The following CLEC1A variants were observed in gnomAD, a reference collection of about 807,000 sequenced individuals.
The protein encoded by CLEC1A is C-type lectin-like receptor-1.
CLEC1A carries 34 observed loss-of-function variants against 28.7 expected under a neutral mutation model. That is an observed-to-expected ratio of 1.18 (90% CI 0.90 to 1.57). The LOEUF is 1.57. CLEC1A is among the 40% of genes most tolerant of loss of function. The pLI is 0.00. For synonymous variants in CLEC1A, 116 were observed against 121.0 expected, an observed-to-expected ratio of 0.96 and a Z score of 0.27; for missense variants, 385 against 339.5, an observed-to-expected ratio of 1.13 and a Z score of -1.05.
At chr12:10,072,617 T>C (rs190133600) in intron 5 of CLEC1A, among the ~76,000 whole-genome samples, 1 of 149,254 alleles carries the variant, frequency 6.7e-6, no homozygotes, top group African/African-American at 2.5e-5. Context: ...GGCTTCAATT[T>C]ACTCACTCAG....
In CLEC1A at chr12:10,076,976, T is replaced by C. The variant is rs532629259; in HGVS notation, c.392-1321A>G. 2.0e-5 allele frequency among the ~76,000 whole-genome samples: 3 copies of C among 152,300 alleles called. No individual in the cohort carries two copies. The East Asian group carries it at 5.8e-4, about 29-fold the overall frequency. On this transcript the variant is annotated intron_variant, in intron 3 of 5. Coordinates refer to ENST00000315330, the MANE Select transcript of CLEC1A (RefSeq NM_016511.4). ...ATTAATACCTCATTCCAGTCTCACA[T>C]ACAATGTTTTCTTAAATACCTTCAG...
At chr12:10,096,690 C>CTCTA (rs1341639404) in intron 1 of CLEC1A, among the ~76,000 whole-genome samples, 12 of 152,148 alleles carry the variant, frequency 7.9e-5, no homozygotes, top group African/African-American at 2.7e-4. Context: ...TACACCTACG[C>CTCTA]CATACATATT....
chr12:10,076,703 G>T (rs902082055), intron 3 of CLEC1A, among the ~76,000 whole-genome samples: 1 of 152,148 alleles, frequency 6.6e-6, no homozygotes, highest in Non-Finnish European at 1.5e-5. Context: ...AAGGATTATT[G>T]TAAAGAGTAA....
intron 3 of CLEC1A, among the ~76,000 whole-genome samples, chr12:10,076,364 TA>T (rs1866251268): frequency 6.6e-6 from 1 of 152,226 alleles, no homozygotes; most frequent in Non-Finnish European, 1.5e-5. Context: ...TTCTTTATTT[TA>T]AAAGCGATCT....
At chr12:10,084,695 G>A (rs1195757903) in intron 2 of CLEC1A, among the ~76,000 whole-genome samples, 4 of 151,770 alleles carry the variant, frequency 2.6e-5, no homozygotes, top group East Asian at 1.9e-4. Context: ...GGTGGCAGGC[G>A]CCTGTAGTCC....
intron 2 of CLEC1A, among the ~76,000 whole-genome samples, chr12:10,087,472 TTATATA>T (rs200437169): frequency 0.033 from 2,497 of 75,024 alleles, 48 homozygotes; most frequent in African/African-American, 0.075. Flanking sequence ...TACCTCAAAG[TTATATA>T]TATATATATA....
intron 4 of CLEC1A, among the ~76,000 whole-genome samples, chr12:10,074,632 C>T (rs1401215307): frequency 6.6e-6 from 1 of 152,106 alleles, no homozygotes; most frequent in African/African-American, 2.4e-5. Flanking sequence ...CTAGGGCACA[C>T]TGTCTTAGTC....
chr12:10,074,290 T>C (rs1472734514), intron 4 of CLEC1A, among the ~76,000 whole-genome samples: 1 of 152,180 alleles, frequency 6.6e-6, no homozygotes, highest in African/African-American at 2.4e-5. Context: ...TAATAAAATA[T>C]ACTGATTTAA....
chr12:10,096,484 T>C (rs1211325551), intron 1 of CLEC1A, among the ~76,000 whole-genome samples: 1 of 152,198 alleles, frequency 6.6e-6, no homozygotes, highest in Non-Finnish European at 1.5e-5. Flanking sequence ...ACATGCAGTT[T>C]CATATACCTT....
rs1250463093 is a variant in CLEC1A at position 10,073,333 on chromosome 12, C to T, written c.622G>A (p.Ala208Thr). 1.9e-6 allele frequency: 3 copies of T among 1,614,002 alleles called. No homozygotes were observed. The highest frequency in any genetic ancestry group is 1.3e-5 in the African/African-American group (1 of 75,032). The part of the protein sequence containing the change: ...TGLLRPDSGK[A>T]WLWMDGTPFT... ...GGGGTTCCATCCATCCACAGCCAGG[C>T]CTTGCCACTGTCAGGGCGCAAAAGC... The change falls in exon 5 of 6, where the codon GCC becomes ACC. Residue 208 changes from alanine to threonine, a missense_variant. Coordinates refer to ENST00000315330, the MANE Select transcript of CLEC1A (RefSeq NM_016511.4).
At chr12:10,097,887 C>A (rs1947798250) in intron 1 of CLEC1A, among the ~76,000 whole-genome samples, 1 of 121,318 alleles carries the variant, frequency 8.2e-6, no homozygotes. Flanking sequence ...TCCCCAATGT[C>A]CCTTAACAGC....
intron 1 of CLEC1A, among the ~76,000 whole-genome samples, chr12:10,093,633 G>C (rs1345905815): frequency 1.3e-5 from 2 of 151,690 alleles, no homozygotes; most frequent in African/African-American, 4.8e-5. Flanking sequence ...TTAAAAGCTG[G>C]AGAAGACACC....
intron 5 of CLEC1A, among the ~76,000 whole-genome samples, chr12:10,072,073 G>A (rs1866147268): frequency 6.6e-6 from 1 of 152,130 alleles, no homozygotes; most frequent in African/African-American, 2.4e-5. Context: ...TCATCGGGGT[G>A]GATCCCTCAT....
intron 1 of CLEC1A, among the ~76,000 whole-genome samples, chr12:10,097,316 C>T (rs1456442385): frequency 6.6e-6 from 1 of 152,134 alleles, no homozygotes; most frequent in African/African-American, 2.4e-5. Context: ...GAATCTGAAT[C>T]CTCCACATTG....
chr12:10,093,405 T>C (rs2137371410), intron 1 of CLEC1A, among the ~76,000 whole-genome samples: 1 of 150,910 alleles, frequency 6.6e-6, no homozygotes, highest in Non-Finnish European at 1.5e-5. Flanking sequence ...TGTATCCTCT[T>C]AGTATTAACC....
intron 1 of CLEC1A, among the ~76,000 whole-genome samples, chr12:10,089,670 TC>T (rs1866572831): frequency 1.3e-5 from 2 of 152,090 alleles, no homozygotes; most frequent in South Asian, 4.2e-4. Context: ...TTGAAAAACA[TC>T]CCCCTTCCCC....
At chr12:10,072,542 T>C (rs1195520654) in intron 5 of CLEC1A, among the ~76,000 whole-genome samples, 1 of 152,196 alleles carries the variant, frequency 6.6e-6, no homozygotes, top group Non-Finnish European at 1.5e-5. Context: ...AGAACTCTTA[T>C]GCTATCTCTG....
intron 1 of CLEC1A, among the ~76,000 whole-genome samples, chr12:10,098,066 T>C (rs970768729): frequency 4.6e-5 from 7 of 152,062 alleles, no homozygotes; most frequent in African/African-American, 1.7e-4. Context: ...TAGTTTTTTT[T>C]TTTTAAAGGT....
chr12:10,075,694 A>C, intron 3 of CLEC1A, 39 bp from the exon 4 acceptor site: 1 of 1,596,308 alleles, frequency 6.3e-7, no homozygotes, highest in Non-Finnish European at 8.6e-7. Context: ...TTTCTGCATG[A>C]GTCTGTCTTG....
Sources: allele counts gnomAD v4.1 joint callset (sites outside exome capture counted in the v4.1 genomes callset), GRCh38; gene constraint gnomAD v4.1.1; transcripts MANE v1.5; gene names NCBI Gene and HGNC (gene_info 2026-07-23, HGNC 2026-07-21).